The following C2CD3 variants were observed in gnomAD, a reference collection of about 807,000 sequenced individuals.
C2CD3 encodes the protein C2 domain-containing protein 3.
C2CD3 carries 148 observed loss-of-function variants against 234.0 expected under a neutral mutation model. That is an observed-to-expected ratio of 0.63 (90% CI 0.55 to 0.72). The LOEUF is 0.72. Among genes scored for constraint, C2CD3 ranks in the 30% least tolerant of loss-of-function variants. C2CD3 has a pLI of 0.00. For missense variants in C2CD3, 2,577 were observed against 2,811.5 expected, an observed-to-expected ratio of 0.92 and a Z score of 1.89; for synonymous variants, 1,000 against 1,035.4, an observed-to-expected ratio of 0.97 and a Z score of 0.66.
intron 32 of C2CD3, among the ~76,000 whole-genome samples, chr11:74,014,867 T>C (rs1393092683): frequency 6.6e-6 from 1 of 152,170 alleles, no homozygotes; most frequent in Non-Finnish European, 1.5e-5. Flanking sequence ...GCCAAGGGAA[T>C]GTCTACAATC....
chr11:74,032,989 C>T (rs1323116164), intron 31 of C2CD3, among the ~76,000 whole-genome samples: 1 of 152,040 alleles, frequency 6.6e-6, no homozygotes, highest in African/African-American at 2.4e-5. Context: ...TGCTCAATGG[C>T]AGTGATTTTC....
rs1039952638 is a variant in C2CD3, at chr11:74,078,214, T to G, written c.4504A>C (p.Ser1502Arg). The G allele has an allele frequency of 6.2e-7, 1 of 1,614,124 alleles. No individual in the cohort carries two copies. Among genetic ancestry groups the G allele is most frequent in the Non-Finnish European group, 8.5e-7 (1 of 1,180,018 alleles). ...IQVWRAYGND[S>R]VERPHQTDSW... ...TCTGTCTGATGGGGTCTCTCCACAC[T>G]GTCATTGCCATAAGCTCGCCACACT... The change falls in exon 23 of 33, where the codon AGT becomes CGT. Residue 1502 changes from serine (S) to arginine (R), a missense_variant. By Grantham distance (110) the Ser-to-Arg change is moderately radical. Transcript: ENST00000334126.
intron 3 of C2CD3, among the ~76,000 whole-genome samples, chr11:74,140,862 T>A (rs1224587564): frequency 6.6e-6 from 1 of 152,196 alleles, no homozygotes; most frequent in African/African-American, 2.4e-5. Context: ...GTAATTACTT[T>A]AAGTTTCCTT....
chr11:74,081,555 G>T (rs1215133912), intron 22 of C2CD3, among the ~76,000 whole-genome samples: 1 of 152,114 alleles, frequency 6.6e-6, no homozygotes, highest in Non-Finnish European at 1.5e-5. Context: ...CAAGATCTGA[G>T]AAAATATTTT....
intron 23 of C2CD3, among the ~76,000 whole-genome samples, chr11:74,075,844 T>G (rs560985958): frequency 6.6e-6 from 1 of 152,340 alleles, no homozygotes; most frequent in South Asian, 2.1e-4. Context: ...TAAGGTTGGA[T>G]GGATGGCTTG....
At chr11:74,157,850 T>C (rs1856142067) in intron 3 of C2CD3, among the ~76,000 whole-genome samples, 1 of 152,212 alleles carries the variant, frequency 6.6e-6, no homozygotes. Context: ...CAGTATGTAT[T>C]ACACAGGGTT....
chr11:74,156,661 AAAG>A (rs1490720972), intron 3 of C2CD3, among the ~76,000 whole-genome samples: 6 of 152,120 alleles, frequency 3.9e-5, no homozygotes, highest in African/African-American at 9.7e-5. Context: ...GAAGAAAGAA[AAAG>A]AAAAACATAA....
chr11:74,169,592 T>C (rs539197381), intron 1 of C2CD3, among the ~76,000 whole-genome samples: 73 of 152,296 alleles, frequency 4.8e-4, no homozygotes, highest in African/African-American at 1.5e-3. Context: ...ATAATCCTTA[T>C]GGATAGTTTC....
intron 7 of C2CD3, among the ~76,000 whole-genome samples, chr11:74,128,072 C>A (rs1347054846): frequency 6.6e-6 from 1 of 152,110 alleles, no homozygotes; most frequent in African/African-American, 2.4e-5. Flanking sequence ...ACTGTGTTAG[C>A]CAGGATGGTC....
At chr11:74,130,685 C>CT (rs1957641387) in intron 7 of C2CD3, among the ~76,000 whole-genome samples, 1 of 152,168 alleles carries the variant, frequency 6.6e-6, no homozygotes, top group South Asian at 2.1e-4. Context: ...ACTATCAACT[C>CT]TATTCCATTG....
intron 3 of C2CD3, among the ~76,000 whole-genome samples, chr11:74,153,299 T>C (rs183458124): frequency 1.3e-5 from 2 of 152,070 alleles, no homozygotes; most frequent in African/African-American, 4.8e-5. Flanking sequence ...AAAGAAAGAA[T>C]GAAGGAAGAA....
intron 22 of C2CD3, among the ~76,000 whole-genome samples, chr11:74,082,027 A>T (rs1175734128): frequency 2.6e-5 from 4 of 152,196 alleles, no homozygotes; most frequent in Non-Finnish European, 5.9e-5. Flanking sequence ...CACTATGTTG[A>T]ATAGGAATGG....
intron 3 of C2CD3, among the ~76,000 whole-genome samples, chr11:74,159,909 C>G (rs1425339509): frequency 6.6e-6 from 1 of 152,058 alleles, no homozygotes; most frequent in Non-Finnish European, 1.5e-5. Flanking sequence ...AGGTATATAT[C>G]TTTTATCTTT....
At chr11:74,025,040 T>C (rs968400624) in intron 32 of C2CD3, among the ~76,000 whole-genome samples, 10 of 152,132 alleles carry the variant, frequency 6.6e-5, no homozygotes, top group Admixed American at 3.3e-4. Flanking sequence ...TGAAAAGTAT[T>C]ATCTTCTCAA....
At chr11:74,083,433 T>C (rs1419019343) in intron 22 of C2CD3, among the ~76,000 whole-genome samples, 1 of 152,138 alleles carries the variant, frequency 6.6e-6, no homozygotes, top group East Asian at 1.9e-4. Flanking sequence ...AAAGCCAAAA[T>C]TGACAAATGG....
Position 74,122,992 on chromosome 11 carries a change from G to T in C2CD3, c.1361C>A (p.Ala454Glu). Reference sequence around the variant, plus strand: ...GCTTCAGGTTCAGTGACTTACAGGTGCTGTATAAAATAAATTCTCCAGAAG... The same window carrying T: ...GCTTCAGGTTCAGTGACTTACAGGTTCTGTATAAAATAAATTCTCCAGAAG... ...QSLLENLFYT[A>E]PKSDTSISDF... Residue 454 changes from alanine (A) to glutamate (E), a missense_variant, in exon 8 of 33, where the codon GCA becomes GAA. By Grantham distance (107) the Ala-to-Glu change is moderately radical (BLOSUM62 -1). Coordinates refer to ENST00000334126, the MANE Select transcript of C2CD3 (RefSeq NM_001286577.2). 6.2e-7 allele frequency: 1 copy of T among 1,612,388 alleles called. No individual in the cohort carries two copies.
intron 15 of C2CD3, among the ~76,000 whole-genome samples, 185 bp downstream of exon 15, chr11:74,100,340 A>G (rs1956266286): frequency 6.6e-6 from 1 of 152,238 alleles, no homozygotes; most frequent in Non-Finnish European, 1.5e-5. Flanking sequence ...AGTGCCTGAA[A>G]CATGGTAAGC....
At chr11:74,084,034 G>C (rs1436270111) in intron 22 of C2CD3, among the ~76,000 whole-genome samples, 2 of 152,128 alleles carry the variant, frequency 1.3e-5, no homozygotes, top group Admixed American at 6.5e-5. Context: ...CAAAGACTTG[G>C]AACCAACCCA....
chr11:74,058,280 G>A (rs1954050817), intron 24 of C2CD3, among the ~76,000 whole-genome samples: 1 of 151,940 alleles, frequency 6.6e-6, no homozygotes, highest in African/African-American at 2.4e-5. Context: ...GATATTGTAA[G>A]GATTAAGATA....
Sources: gnomAD v4.1 joint callset for allele counts (sites outside exome capture counted in the v4.1 genomes callset) on GRCh38, gnomAD v4.1.1 for gene constraint, MANE v1.5 for transcripts, NCBI Gene and HGNC (gene_info 2026-07-23, HGNC 2026-07-21) for gene names.